The following GNE variants were observed in gnomAD, a reference collection of about 807,000 sequenced individuals.
GNE encodes the protein bifunctional UDP-N-acetylglucosamine 2-epimerase/N-acetylmannosamine kinase.
Under a neutral mutation model 61.8 loss-of-function variants are expected in GNE, and 41 were observed. The ratio of observed to expected loss-of-function variants is 0.66; its 90% confidence interval spans 0.52 to 0.86. The LOEUF (loss-of-function observed/expected upper bound fraction) is 0.86, where lower values mean the gene tolerates loss of function less well. GNE is among the 40% of genes least tolerant of loss of function. The pLI is 0.00. For missense variants in GNE, 608 were observed against 909.1 expected, an observed-to-expected ratio of 0.67 and a Z score of 4.26; for synonymous variants, 264 against 326.4, an observed-to-expected ratio of 0.81 and a Z score of 2.06.
At chr9:36,226,032 A>T (rs1191456179) in intron 7 of GNE, among the ~76,000 whole-genome samples, 13 of 152,182 alleles carry the variant, frequency 8.5e-5, no homozygotes, top group Admixed American at 8.5e-4. Flanking sequence ...TTCCAAAATT[A>T]TGTGAGATAA....
At chr9:36,243,645 C>T (rs1829741819) in intron 3 of GNE, among the ~76,000 whole-genome samples, 1 of 152,098 alleles carries the variant, frequency 6.6e-6, no homozygotes, top group African/African-American at 2.4e-5. Flanking sequence ...GAATTCATGA[C>T]TAGCCTGGGC....
At chr9:36,257,621 G>A (rs551343466) in intron 1 of GNE, among the ~76,000 whole-genome samples, 4 of 151,396 alleles carry the variant, frequency 2.6e-5, no homozygotes, top group African/African-American at 4.9e-5. Flanking sequence ...GGCTAACATG[G>A]TGAAACCCCG....
chr9:36,235,119 C>T (rs1829337152), intron 4 of GNE, among the ~76,000 whole-genome samples: 1 of 152,196 alleles, frequency 6.6e-6, no homozygotes, highest in South Asian at 2.1e-4. Flanking sequence ...AATCCAACTG[C>T]TCCAATAAAC....
chr9:36,245,966 T>C (rs1829852332), intron 3 of GNE, 65 bp downstream of exon 3: 3 of 1,267,640 alleles, frequency 2.4e-6, no homozygotes, highest in Non-Finnish European at 3.4e-6. Flanking sequence ...CCAAAAGGAT[T>C]GAAATAGACG....
chr9:36,224,180 G>A (rs376898775), intron 7 of GNE, among the ~76,000 whole-genome samples: 2 of 151,926 alleles, frequency 1.3e-5, no homozygotes, highest in East Asian at 1.9e-4. Context: ...AGTGGCTCAC[G>A]CCTGTAATCC....
intron 5 of GNE, among the ~76,000 whole-genome samples, chr9:36,231,066 TA>T (rs529903965): frequency 0.025 from 1,681 of 68,368 alleles, 18 homozygotes; most frequent in Middle Eastern, 0.037. Flanking sequence ...ACTGCTTCAC[TA>T]AAAAAAAAAA....
rs925335605 is a variant in GNE at position 36,254,952 on chromosome 9, CA to C, written c.-43+3368del. 4.6e-5 allele frequency among the ~76,000 whole-genome samples: 7 copies of C among 150,824 alleles called. No homozygotes were observed. The South Asian group carries it at 1.3e-3, about 27-fold the overall frequency. On this transcript the variant is annotated intron_variant, in intron 1 of 11. Transcript: ENST00000642385. Reference sequence around the variant, plus strand: ...GGGCAACAAGAGTGAGATTCCATCTCAAAAAAAAATAATTGGGTTTCTCAGA... The same window carrying C: ...GGGCAACAAGAGTGAGATTCCATCTCAAAAAAAATAATTGGGTTTCTCAGA...
intron 2 of GNE, 47 bp downstream of exon 2, chr9:36,249,142 CCTT>C (rs1350795998): frequency 1.3e-6 from 2 of 1,482,830 alleles, no homozygotes; most frequent in Admixed American, 3.3e-5. Context: ...AACCCAAGCT[CCTT>C]CTAGCACACT....
chr9:36,275,786 T>C (rs1831239498), intron 1 of GNE, among the ~76,000 whole-genome samples: 1 of 152,190 alleles, frequency 6.6e-6, no homozygotes, highest in African/African-American at 2.4e-5. Flanking sequence ...TAAATTCTCA[T>C]TGAAGAAGGC....
At chr9:36,257,364 C>A (rs1258830403) in intron 1 of GNE, among the ~76,000 whole-genome samples, 1 of 152,122 alleles carries the variant, frequency 6.6e-6, no homozygotes, top group Non-Finnish European at 1.5e-5. Context: ...GGGCCCCATT[C>A]CGACGCTATA....
At position 36,276,971 on chromosome 9, in the gene GNE, T is replaced by C. The variant is rs368460591; in HGVS notation, c.-27A>G. ...CCGAAGCACGAGCTCTGTACCCTAG[T>C]GTGGTTTGAAATAATGAGCAGAGCA... On this transcript the variant is annotated 5_prime_UTR_variant, in exon 1 of 12. Coordinates refer to the GNE transcript ENST00000396594. The C allele has an allele frequency of 6.2e-5, 100 of 1,613,126 alleles. 1 individual carries two copies. Among genetic ancestry groups the C allele is most frequent in the Admixed American group, 6.0e-4 (36 of 59,936 alleles).
At chr9:36,226,428 C>A (rs1006227525) in intron 7 of GNE, among the ~76,000 whole-genome samples, 2 of 151,856 alleles carry the variant, frequency 1.3e-5, no homozygotes, top group Non-Finnish European at 2.9e-5. Context: ...AAGTGATCTG[C>A]CCACCTGGAC....
At chr9:36,242,608 T>C (rs1242062943) in intron 3 of GNE, among the ~76,000 whole-genome samples, 2 of 152,068 alleles carry the variant, frequency 1.3e-5, no homozygotes, top group Non-Finnish European at 2.9e-5. Context: ...TTAGTAGAGA[T>C]GGGGTTTCAC....
At chr9:36,261,310 G>A (rs1364880252), upstream of GNE, among the ~76,000 whole-genome samples, 1 of 152,180 alleles carries the variant, frequency 6.6e-6, no homozygotes, top group Non-Finnish European at 1.5e-5. Flanking sequence ...TGTAATCCCA[G>A]CACTTTGGGA....
chr9:36,254,797 C>T (rs1830261518), intron 1 of GNE, among the ~76,000 whole-genome samples: 1 of 151,784 alleles, frequency 6.6e-6, no homozygotes, highest in African/African-American at 2.4e-5. Flanking sequence ...ACTAAAAATA[C>T]AAAAATTAGC....
At chr9:36,242,440 G>A (rs1483026398) in intron 3 of GNE, among the ~76,000 whole-genome samples, 1 of 152,208 alleles carries the variant, frequency 6.6e-6, no homozygotes, top group East Asian at 1.9e-4. Flanking sequence ...TTTGTTTTGA[G>A]ACGGAGTCTC....
rs568526742 is a variant in GNE at position 36,249,883 on chromosome 9, CA to C, written c.-42-487del. Among the ~76,000 whole-genome samples, 1,106 of 129,608 alleles carry C rather than the reference CA, an allele frequency of 8.5e-3. 7 individuals carry two copies. Among genetic ancestry groups the C allele is most frequent in the Admixed American group, 0.011 (133 of 12,484 alleles). 85.0% of individuals were successfully genotyped at this position (129,608 alleles called of 152,430 possible). ...TGGGTGACAGAGCGAGACTCCATCT[CA>C]AAAAAAAAAAAAGAAGAAGAAACTC... On this transcript the variant is annotated intron_variant, in intron 1 of 11. Coordinates refer to ENST00000642385, the MANE Select transcript of GNE (RefSeq NM_005476.7).
At chr9:36,238,701 T>G (rs1027729920) in intron 3 of GNE, among the ~76,000 whole-genome samples, 1 of 152,228 alleles carries the variant, frequency 6.6e-6, no homozygotes, top group African/African-American at 2.4e-5. Flanking sequence ...GTCTGTTTAC[T>G]CTGCTATTCC....
At chr9:36,225,660 G>A (rs1379786794) in intron 7 of GNE, among the ~76,000 whole-genome samples, 2 of 152,122 alleles carry the variant, frequency 1.3e-5, no homozygotes, top group African/African-American at 4.8e-5. Context: ...ATCTAGAGCT[G>A]GGCACAGTGG....
Sources: gnomAD v4.1 joint callset for allele counts (sites outside exome capture counted in the v4.1 genomes callset) on GRCh38, gnomAD v4.1.1 for gene constraint, MANE v1.5 for transcripts, NCBI Gene and HGNC (gene_info 2026-07-23, HGNC 2026-07-21) for gene names.